SLC39A12: variants seen among roughly 807,000 people sequenced by gnomAD.
SLC39A12 encodes the protein zinc transporter ZIP12.
A neutral mutation model predicts 71.1 loss-of-function variants in SLC39A12; 63 were observed. The observed-to-expected ratio is 0.89, with a 90% CI of 0.72 to 1.09. SLC39A12 has a LOEUF of 1.09. Among genes scored for constraint, SLC39A12 ranks in the 50% least tolerant of loss-of-function variants. The pLI is 0.00. For missense variants in SLC39A12, 892 were observed against 812.6 expected, an observed-to-expected ratio of 1.10 and a Z score of -1.19; for synonymous variants, 351 against 301.3, an observed-to-expected ratio of 1.16 and a Z score of -1.71.
At chr10:17,952,307 G>A (rs1405178540) in intron 1 of SLC39A12, among the ~76,000 whole-genome samples, 3 of 85,376 alleles carry the variant, frequency 3.5e-5, no homozygotes, top group African/African-American at 1.2e-4. Context: ...ACCACTGAGT[G>A]AGTGTGTGTG....
At chr10:17,964,923 C>G (rs981319548) in intron 3 of SLC39A12, among the ~76,000 whole-genome samples, 4 of 152,244 alleles carry the variant, frequency 2.6e-5, no homozygotes, top group African/African-American at 7.2e-5. Flanking sequence ...AGAGGATAGT[C>G]AGGCTGGGTG....
At chr10:17,990,039 A>C (rs1440874967) in intron 7 of SLC39A12, among the ~76,000 whole-genome samples, 1 of 152,250 alleles carries the variant, frequency 6.6e-6, no homozygotes, top group Non-Finnish European at 1.5e-5. Context: ...AGAAGTGAGA[A>C]AAATGTTACT....
rs546770744 is a variant in SLC39A12, at chr10:18,034,444, G to C, written c.1948-8261G>C. ...TTTGATCTTTGCTGGTTTAAAGTCT[G>C]TTTTATCAGAGACTAGGATTGCAAC... On this transcript the variant is annotated intron_variant, in intron 12 of 12. Transcript: ENST00000377369. Among the ~76,000 whole-genome samples, 4 of 152,274 alleles carry C rather than the reference G, an allele frequency of 2.6e-5. No individual in the cohort carries two copies. The East Asian group carries it at 7.7e-4, about 29-fold the overall frequency.
intron 5 of SLC39A12, among the ~76,000 whole-genome samples, chr10:17,980,192 T>C (rs185539380): frequency 6.6e-6 from 1 of 152,322 alleles, no homozygotes; most frequent in African/African-American, 2.4e-5. Context: ...CTGATTTCAG[T>C]TGGTTCTGTT....
At chr10:17,956,845 C>T (rs1255448371) in intron 2 of SLC39A12, among the ~76,000 whole-genome samples, 1 of 152,182 alleles carries the variant, frequency 6.6e-6, no homozygotes, top group Non-Finnish European at 1.5e-5. Context: ...CATCTTAACT[C>T]TTCTCAGTTA....
At chr10:18,019,867 T>G (rs1048099071) in intron 12 of SLC39A12, among the ~76,000 whole-genome samples, 2 of 152,082 alleles carry the variant, frequency 1.3e-5, no homozygotes, top group African/African-American at 4.8e-5. Flanking sequence ...TGGGGAAGAA[T>G]TTGCAATCTG....
intron 6 of SLC39A12, among the ~76,000 whole-genome samples, chr10:17,981,916 G>A (rs1835270296): frequency 6.6e-6 from 1 of 152,220 alleles, no homozygotes; most frequent in Non-Finnish European, 1.5e-5. Flanking sequence ...GAAGGCAATA[G>A]CATTGGAATG....
intron 2 of SLC39A12, among the ~76,000 whole-genome samples, chr10:17,959,626 G>C (rs937275949): frequency 2.6e-5 from 4 of 152,142 alleles, no homozygotes; most frequent in African/African-American, 9.7e-5. Flanking sequence ...TTCACTCTGT[G>C]GCTATGTCGT....
chr10:18,012,322 T>C (rs1836249693), intron 12 of SLC39A12, among the ~76,000 whole-genome samples: 1 of 152,218 alleles, frequency 6.6e-6, no homozygotes, highest in Non-Finnish European at 1.5e-5. Context: ...AAAGCAAGAA[T>C]TGATATATTT....
intron 4 of SLC39A12, 26 bp from the exon 5 acceptor site, chr10:17,977,876 C>T: frequency 6.5e-7 from 1 of 1,543,874 alleles, no homozygotes; most frequent in Non-Finnish European, 8.7e-7. Flanking sequence ...TTCTATGTGA[C>T]ACCAGATTTT....
At chr10:18,032,704 G>C (rs939994146) in intron 12 of SLC39A12, among the ~76,000 whole-genome samples, 58 of 152,036 alleles carry the variant, frequency 3.8e-4, no homozygotes, top group Non-Finnish European at 8.1e-4. Flanking sequence ...GGAGTGGTGA[G>C]GGAGGGCATC....
intron 12 of SLC39A12, among the ~76,000 whole-genome samples, chr10:18,035,922 G>C (rs544420894): frequency 5.8e-4 from 88 of 152,262 alleles, no homozygotes; most frequent in Middle Eastern, 3.4e-3. Context: ...AGGTGTCAGT[G>C]TGCCCCTGCT....
chr10:18,000,525 T>C (rs16916738), intron 10 of SLC39A12, 142 bp from the exon 11 acceptor site: 57,111 of 762,186 alleles, frequency 0.075, 9,047 homozygotes, highest in African/African-American at 0.49. Flanking sequence ...GTCCTGACTT[T>C]TGCGGAAACA....
intron 2 of SLC39A12, among the ~76,000 whole-genome samples, chr10:17,955,784 G>T (rs1420868636): frequency 1.3e-5 from 2 of 152,198 alleles, no homozygotes; most frequent in Admixed American, 1.3e-4. Flanking sequence ...CAGTCAAGCT[G>T]CAGTCTTTGA....
At position 17,981,361 on chromosome 10, in the gene SLC39A12, T is replaced by C. The variant is rs1207835830; in HGVS notation, c.974T>C (p.Leu325Pro). 1.9e-6 allele frequency: 3 copies of C among 1,613,494 alleles called. No homozygotes were observed. In the South Asian group the frequency reaches 3.3e-5, roughly 18 times the overall value. ...GTGGAGATATTTCTACAGAAGGGCC[T>C]CTCACTCATTTCTAAGGAGGACTTT... is the stretch of plus-strand genomic sequence containing the variant. Reference protein sequence around the residue: ...QLVEIFLQKGLSLISKEDFKQ... With the variant: ...QLVEIFLQKGPSLISKEDFKQ... Residue 325 changes from leucine (L) to proline (P), a missense_variant, in exon 6 of 13, where the codon CTC becomes CCC. Leu to Pro is a moderately conservative substitution (Grantham distance 98). Transcript: ENST00000377369.
intron 7 of SLC39A12, 111 bp downstream of exon 7, chr10:17,987,762 G>A: frequency 8.9e-7 from 1 of 1,129,786 alleles, no homozygotes; most frequent in Non-Finnish European, 1.3e-6. Context: ...AGAGTATCGT[G>A]GCTGGTGTTT....
intron 7 of SLC39A12, among the ~76,000 whole-genome samples, chr10:17,990,120 G>A (rs1194782118): frequency 2.0e-5 from 3 of 152,032 alleles, no homozygotes; most frequent in Non-Finnish European, 4.4e-5. Flanking sequence ...TGAGATCTGG[G>A]GTTTTTCTTC....
In SLC39A12 at chr10:17,965,698, T is replaced by G; in HGVS notation, c.751+8T>G. On this transcript the variant is annotated splice_region_variant and intron_variant, in intron 4 of 12. Transcript: ENST00000377369. ...ATACCCTCCGCCTATCAGGTAAGGA[T>G]GTTTTCACGAATTTAACTTCCAAGT... 3.1e-6 allele frequency: 5 copies of G among 1,603,026 alleles called. No individual in the cohort carries two copies. Among genetic ancestry groups the G allele is most frequent in the Non-Finnish European group, 4.3e-6 (5 of 1,171,026 alleles).
chr10:17,987,489 C>T lies in SLC39A12; in HGVS notation c.1107C>T (p.Tyr369=). 1 of 1,613,818 alleles carries T rather than the reference C, an allele frequency of 6.2e-7. No homozygotes were observed. ...TCTCCTTTGACTTAGAATACGGCTA[C>T]AGCACGGTGGCTGTCACCCTTCTCA... ...LPPTTLEKYG[Y]STVAVTLLTL... is the part of the protein sequence containing the mutation. The change falls in exon 7 of 13, where the codon TAC becomes TAT. Residue 369 remains tyrosine, a synonymous_variant. Coordinates refer to ENST00000377369, the MANE Select transcript of SLC39A12 (RefSeq NM_001145195.2).
Sources: gnomAD v4.1 joint callset for allele counts (sites outside exome capture counted in the v4.1 genomes callset) on GRCh38, gnomAD v4.1.1 for gene constraint, MANE v1.5 for transcripts, NCBI Gene and HGNC (gene_info 2026-07-23, HGNC 2026-07-21) for gene names.